EFL1: variants seen among roughly 807,000 people sequenced by gnomAD.
EFL1 encodes the protein elongation factor like GTPase 1.
In EFL1, 76 loss-of-function variants were observed where a neutral mutation model predicts 126.7. That is an observed-to-expected ratio of 0.60 (90% CI 0.50 to 0.73). EFL1 has a LOEUF of 0.73. EFL1 is among the 30% of genes least tolerant of loss of function. The pLI is 0.00. For synonymous variants in EFL1, 410 were observed against 448.4 expected (o/e 0.91, Z 1.08); for missense variants, 1,128 against 1,343.2 (o/e 0.84, Z 2.50).
intron 19 of EFL1, among the ~76,000 whole-genome samples, chr15:82,137,759 T>C (rs1227282594): frequency 6.6e-6 from 1 of 152,220 alleles, no homozygotes; most frequent in Non-Finnish European, 1.5e-5. Context: ...TATCCTTGAG[T>C]TTACAATTTG....
chr15:82,136,728 A>C (rs893777423), intron 19 of EFL1, among the ~76,000 whole-genome samples: 4 of 152,198 alleles, frequency 2.6e-5, no homozygotes, highest in East Asian at 1.9e-4. Flanking sequence ...AACCAAAACC[A>C]AAACTAAAAA....
Position 82,220,204 on chromosome 15 carries a change from G to C in EFL1, c.1318C>G (p.Gln440Glu). ...PRPLTQEEIA[Q>E]RRERARQRHA... ...CTTTGTCTTGCACGCTCACGTCTCT[G>C]AGCAATTTCTTCTTGAGTGAGAGGC... The change falls in exon 13 of 20, where the codon CAG becomes GAG. Residue 440 changes from glutamine (Q) to glutamate (E), a missense_variant. Physicochemically the swap from Gln to Glu is conservative, Grantham distance 29. Coordinates refer to ENST00000268206, the MANE Select transcript of EFL1 (RefSeq NM_024580.6). The C allele has an allele frequency of 6.2e-7, 1 of 1,605,852 alleles. No homozygotes were observed. The highest frequency in any genetic ancestry group is 8.5e-7 in the Non-Finnish European group (1 of 1,177,592).
intron 15 of EFL1, among the ~76,000 whole-genome samples, chr15:82,185,042 C>T (rs1244974586): frequency 6.6e-6 from 1 of 152,080 alleles, no homozygotes; most frequent in Non-Finnish European, 1.5e-5. Flanking sequence ...ATTTTTATAT[C>T]CCCTGCTACA....
At chr15:82,196,458 A>G (rs2074409000) in intron 15 of EFL1, among the ~76,000 whole-genome samples, 1 of 152,246 alleles carries the variant, frequency 6.6e-6, no homozygotes, top group South Asian at 2.1e-4. Context: ...ATAGTAAGTG[A>G]GAAGAATCAG....
At chr15:82,233,533 C>G (rs185712729) in intron 7 of EFL1, 9 of 151,614 alleles carry the variant, frequency 5.9e-5, no homozygotes, top group African/African-American at 2.2e-4. Flanking sequence ...AATTCTAATA[C>G]TCAGTTACAC....
chr15:82,262,172 G>T, intron 1 of EFL1: 1 of 164,038 alleles, frequency 6.1e-6, no homozygotes. Flanking sequence ...AGAAAATGCT[G>T]AAGAAGATGC....
chr15:82,203,773 A>C (rs1279564659), intron 15 of EFL1, among the ~76,000 whole-genome samples: 2 of 152,250 alleles, frequency 1.3e-5, no homozygotes, highest in Non-Finnish European at 2.9e-5. Flanking sequence ...CATATAATGT[A>C]CTTCATTCAT....
At chr15:82,241,490 G>T in intron 4 of EFL1, 87 bp from the exon 5 acceptor site, 1 of 1,461,940 alleles carries the variant, frequency 6.8e-7, no homozygotes, top group Non-Finnish European at 9.1e-7. Flanking sequence ...AAAGCTGAAA[G>T]CTTCTAAGAA....
chr15:82,259,295 T>C, intron 2 of EFL1, 140 bp from the exon 3 acceptor site: 1 of 712,842 alleles, frequency 1.4e-6, no homozygotes. Flanking sequence ...ACAAAAGAGA[T>C]TTATTAGACT....
At chr15:82,250,031 G>A (rs2075007488) in intron 4 of EFL1, among the ~76,000 whole-genome samples, 1 of 152,028 alleles carries the variant, frequency 6.6e-6, no homozygotes, top group African/African-American at 2.4e-5. Context: ...CATTCGAAGT[G>A]GGTGAGAAGG....
At chr15:82,209,601 C>A (rs1050112015) in intron 15 of EFL1, among the ~76,000 whole-genome samples, 7 of 152,142 alleles carry the variant, frequency 4.6e-5, no homozygotes, top group African/African-American at 1.7e-4. Flanking sequence ...TAGGAGCCTG[C>A]AGCAAATATT....
chr15:82,164,042 C>A, intron 15 of EFL1, 58 bp from the exon 16 acceptor site: 1 of 1,589,118 alleles, frequency 6.3e-7, no homozygotes, highest in Non-Finnish European at 8.6e-7. Context: ...GAATTTATGT[C>A]AGAAAAACAG....
intron 16 of EFL1, chr15:82,160,080 G>A (rs1158381432): frequency 6.6e-6 from 1 of 152,224 alleles, no homozygotes; most frequent in African/African-American, 2.4e-5. Flanking sequence ...GTGAGTCATG[G>A]CTGGCCTGTG....
At chr15:82,234,743 T>G (rs1372989434) in intron 7 of EFL1, among the ~76,000 whole-genome samples, 2 of 152,164 alleles carry the variant, frequency 1.3e-5, no homozygotes, top group Non-Finnish European at 2.9e-5. Flanking sequence ...GATATAAATT[T>G]CATGAAGAGA....
chr15:82,172,079 C>T (rs544573182), intron 15 of EFL1, among the ~76,000 whole-genome samples: 26 of 139,476 alleles, frequency 1.9e-4, no homozygotes, highest in Non-Finnish European at 3.5e-4. Flanking sequence ...AGTCAAAAAA[C>T]ATTAAAAAAA....
chr15:82,215,449 A>G (rs1433842505), intron 14 of EFL1: 2 of 152,190 alleles, frequency 1.3e-5, no homozygotes, highest in East Asian at 1.9e-4. Context: ...GACAGAGTAC[A>G]TTTACAGCAA....
intron 15 of EFL1, among the ~76,000 whole-genome samples, chr15:82,179,152 TAAATA>T (rs527787029): frequency 1.7e-3 from 264 of 151,522 alleles, no homozygotes; most frequent in Non-Finnish European, 2.2e-3. Flanking sequence ...TCTAACAAAT[TAAATA>T]AATAAAAAAA....
At position 82,138,679 on chromosome 15, in the gene EFL1, T is replaced by A. The variant is rs779505479; in HGVS notation, c.3153A>T (p.Gln1051His). Residue 1051 changes from glutamine to histidine, a missense_variant, in exon 19 of 20, where the codon CAA becomes CAT. By Grantham distance (24) the Gln-to-His change is conservative (BLOSUM62 0). Around this residue, in one of 6 missense-constraint regions of EFL1, gnomAD observed 561 missense variants for 641.7 expected, o/e 0.87. Coordinates refer to ENST00000268206, the MANE Select transcript of EFL1 (RefSeq NM_024580.6). The part of the protein sequence containing the change: ...RKRTSGLASP[Q>H]LVFSHWEIIP... ...TTACCTCCCAATGGCTGAATACTAG[T>A]TGTGGGCTGGCCAGGCCACTTGTCC... 95 of 1,613,734 alleles carry A rather than the reference T, an allele frequency of 5.9e-5. No homozygotes were observed. Among genetic ancestry groups the A allele is most frequent in the Non-Finnish European group, 8.0e-5 (94 of 1,179,844 alleles).
intron 15 of EFL1, among the ~76,000 whole-genome samples, chr15:82,167,289 A>G (rs750741781): frequency 6.6e-5 from 10 of 152,208 alleles, no homozygotes; most frequent in Non-Finnish European, 1.3e-4. Context: ...ATTTTTCTCT[A>G]TACAACAAAT....
Sources: allele counts gnomAD v4.1 joint callset (sites outside exome capture counted in the v4.1 genomes callset), GRCh38; gene constraint gnomAD v4.1.1; regional missense constraint gnomAD v4.1.1; transcripts MANE v1.5; gene names NCBI Gene and HGNC (gene_info 2026-07-23, HGNC 2026-07-21).